PTPRM: variants seen among roughly 807,000 people sequenced by gnomAD.
The protein encoded by PTPRM is receptor-type tyrosine-protein phosphatase mu.
Under a neutral mutation model 186.7 loss-of-function variants are expected in PTPRM, and 47 were observed. The observed-to-expected ratio is 0.25, with a 90% CI of 0.20 to 0.32. The LOEUF (loss-of-function observed/expected upper bound fraction) is 0.32. Among genes scored for constraint, PTPRM ranks in the 10% least tolerant of loss-of-function variants. The pLI, the probability that PTPRM is intolerant of heterozygous loss-of-function variation, is 1.00. For synonymous variants in PTPRM, 668 were observed against 674.9 expected (o/e 0.99, Z 0.16); for missense variants, 1,494 against 1,865.0 (o/e 0.80, Z 3.66).
intron 1 of PTPRM, among the ~76,000 whole-genome samples, chr18:7,617,133 T>A (rs2037825280): frequency 6.6e-6 from 1 of 152,188 alleles, no homozygotes; most frequent in Admixed American, 6.5e-5. Context: ...TACTGTAGCA[T>A]GGTGGAGCAT....
chr18:8,117,757 A>T (rs2092011705), intron 13 of PTPRM, among the ~76,000 whole-genome samples: 1 of 152,208 alleles, frequency 6.6e-6, no homozygotes, highest in African/African-American at 2.4e-5. Context: ...GAGTTAAAAG[A>T]TAAAGACACC....
intron 1 of PTPRM, chr18:7,741,524 T>C (rs2040884267): frequency 6.6e-6 from 1 of 152,246 alleles, no homozygotes; most frequent in Non-Finnish European, 1.5e-5. Context: ...AAACTTTGTA[T>C]TTGTTGGTCA....
At chr18:7,925,758 T>C (rs1277131137) in intron 4 of PTPRM, among the ~76,000 whole-genome samples, 1 of 152,224 alleles carries the variant, frequency 6.6e-6, no homozygotes, top group Admixed American at 6.5e-5. Context: ...AATAAGGAAA[T>C]GTTTTCCTAA....
chr18:8,284,864 A>T (rs2094939254), intron 19 of PTPRM, among the ~76,000 whole-genome samples: 1 of 152,236 alleles, frequency 6.6e-6, no homozygotes, highest in Non-Finnish European at 1.5e-5. Flanking sequence ...TATACTTTTT[A>T]AAAAACATAT....
chr18:8,249,385 C>G (rs993066005), intron 17 of PTPRM, among the ~76,000 whole-genome samples: 4 of 152,124 alleles, frequency 2.6e-5, no homozygotes, highest in Non-Finnish European at 5.9e-5. Context: ...TGAGGGCTAA[C>G]AAAGCCCACT....
At chr18:8,178,550 G>A (rs765184785) in intron 14 of PTPRM, among the ~76,000 whole-genome samples, 6 of 152,184 alleles carry the variant, frequency 3.9e-5, no homozygotes, top group South Asian at 2.1e-4. Context: ...TTGGGAGGCC[G>A]AGGCAGGTGG....
intron 1 of PTPRM, among the ~76,000 whole-genome samples, chr18:7,677,688 T>C (rs543177001): frequency 2.4e-4 from 37 of 152,238 alleles, no homozygotes; most frequent in African/African-American, 7.2e-4. Context: ...TACTCACTTA[T>C]GGGCATCACG....
At chr18:8,108,818 G>T (rs2091635556) in intron 11 of PTPRM, among the ~76,000 whole-genome samples, 1 of 152,180 alleles carries the variant, frequency 6.6e-6, no homozygotes, top group South Asian at 2.1e-4. Context: ...CCTCACTGTG[G>T]ATTGTGCTTT....
intron 14 of PTPRM, among the ~76,000 whole-genome samples, chr18:8,187,124 G>A (rs2093653165): frequency 6.6e-6 from 1 of 152,188 alleles, no homozygotes; most frequent in South Asian, 2.1e-4. Context: ...ATTTTTAGCA[G>A]AGAAGGGTTT....
chr18:8,345,920 T>C (rs1406854243), intron 23 of PTPRM, among the ~76,000 whole-genome samples: 3 of 152,274 alleles, frequency 2.0e-5, no homozygotes, highest in South Asian at 2.1e-4. Context: ...AAATGTATGA[T>C]AGTAAGATTT....
intron 1 of PTPRM, among the ~76,000 whole-genome samples, chr18:7,705,711 T>C (rs2040072213): frequency 6.6e-6 from 1 of 151,702 alleles, no homozygotes; most frequent in South Asian, 2.1e-4. Flanking sequence ...CATTCTTTCT[T>C]CTTTACTTTC....
intron 21 of PTPRM, 51 bp downstream of exon 21, chr18:8,314,908 G>T: frequency 8.0e-7 from 1 of 1,249,272 alleles, no homozygotes. Context: ...ACATATTTGG[G>T]TGCTATGTAT....
At chr18:8,283,796 TA>T (rs2094928213) in intron 19 of PTPRM, among the ~76,000 whole-genome samples, 2 of 151,650 alleles carry the variant, frequency 1.3e-5, no homozygotes, top group Admixed American at 6.6e-5. Flanking sequence ...TTTTTTTTTT[TA>T]TTTTTAGTCG....
intron 1 of PTPRM, among the ~76,000 whole-genome samples, chr18:7,584,119 G>T (rs8089911): frequency 0.023 from 3,496 of 152,224 alleles, 143 homozygotes; most frequent in African/African-American, 0.08. Context: ...TAACATTCTT[G>T]CAGTGTCATT....
intron 22 of PTPRM, among the ~76,000 whole-genome samples, chr18:8,342,089 G>A (rs1269396046): frequency 5.3e-5 from 8 of 152,178 alleles, no homozygotes; most frequent in Admixed American, 2.0e-4. Context: ...TTGTGTTGTG[G>A]AGAGAAAGGA....
intron 1 of PTPRM, among the ~76,000 whole-genome samples, chr18:7,653,744 T>C (rs554563631): frequency 2.8e-4 from 43 of 152,338 alleles, no homozygotes; most frequent in Admixed American, 2.8e-3. Flanking sequence ...TGATTCCATG[T>C]CCTTGCTGTT....
At chr18:8,373,286 G>C (rs73939463) in intron 24 of PTPRM, among the ~76,000 whole-genome samples, 1 of 152,182 alleles carries the variant, frequency 6.6e-6, no homozygotes, top group Non-Finnish European at 1.5e-5. Flanking sequence ...ATGTTGCATC[G>C]AGGGACCTAA....
chr18:7,920,609 C>T (rs1366265449), intron 4 of PTPRM, among the ~76,000 whole-genome samples: 2 of 152,120 alleles, frequency 1.3e-5, no homozygotes, highest in Non-Finnish European at 2.9e-5. Context: ...TTGGGCTTCA[C>T]AATACTTACG....
chr18:7,691,121 T>C (rs1319897598), intron 1 of PTPRM, among the ~76,000 whole-genome samples: 1 of 152,206 alleles, frequency 6.6e-6, no homozygotes, highest in African/African-American at 2.4e-5. Context: ...TTTTATTTTT[T>C]TTTATTTTTA....
Sources: gnomAD v4.1 joint callset for allele counts (sites outside exome capture counted in the v4.1 genomes callset) on GRCh38, gnomAD v4.1.1 for gene constraint, MANE v1.5 for transcripts, NCBI Gene and HGNC (gene_info 2026-07-23, HGNC 2026-07-21) for gene names.